Variants in DSC2 observed in about 807,000 individuals in gnomAD.
The protein encoded by DSC2 is desmocollin-2.
In DSC2, 51 loss-of-function variants were observed where a neutral mutation model predicts 87.6. The ratio of observed to expected loss-of-function variants is 0.58; its 90% CI spans 0.46 to 0.74. DSC2 has a LOEUF of 0.74. Among genes scored for constraint, DSC2 ranks in the 30% least tolerant of loss-of-function variants. DSC2 has a pLI of 0.00. For missense variants in DSC2, 1,066 were observed against 1,089.5 expected, an observed-to-expected ratio of 0.98 and a Z score of 0.30; for synonymous variants, 383 against 393.2, an observed-to-expected ratio of 0.97 and a Z score of 0.31.
In DSC2 at chr18:31,086,716, T is replaced by G. The variant is rs201015785; in HGVS notation, c.802A>C (p.Thr268Pro). ...ATCGTGTCAGGCTCATCTTTGTCAG[T>G]AGCACACACTTGTCCCACAGTAGTG... ...VGTTVGQVCATDKDEPDTMHT... is the reference protein window; with the variant it reads ...VGTTVGQVCAPDKDEPDTMHT... The change falls in exon 7 of 16, where the codon ACT (threonine) becomes CCT (proline). Residue 268 changes from threonine (T) to proline (P), a missense_variant. By Grantham distance (38) the Thr-to-Pro change is conservative. Transcript: ENST00000280904. The G allele has an allele frequency of 1.2e-6, 2 of 1,614,006 alleles. No homozygotes were observed. The highest frequency in any genetic ancestry group is 1.3e-5 in the African/African-American group (1 of 74,938).
chr18:31,090,619 T>C (rs1180263074), intron 4 of DSC2, among the ~76,000 whole-genome samples: 3 of 151,942 alleles, frequency 2.0e-5, no homozygotes, highest in Non-Finnish European at 1.5e-5. Flanking sequence ...GTGGATCCAG[T>C]GTGATTTCAG....
At chr18:31,078,368 T>C (rs1252954143) in intron 11 of DSC2, among the ~76,000 whole-genome samples, 2 of 152,202 alleles carry the variant, frequency 1.3e-5, no homozygotes, top group Admixed American at 1.3e-4. Context: ...ACACATTTAT[T>C]CTATATCACA....
chr18:31,081,975 T>C (rs1987233658), intron 9 of DSC2, among the ~76,000 whole-genome samples: 1 of 152,156 alleles, frequency 6.6e-6, no homozygotes, highest in Non-Finnish European at 1.5e-5. Flanking sequence ...GCATCAAAGC[T>C]GTGCTAGTTT....
At chr18:31,086,821 C>T (rs1031440462) in intron 6 of DSC2, 79 bp from the exon 7 acceptor site, 2 of 1,520,892 alleles carry the variant, frequency 1.3e-6, no homozygotes, top group African/African-American at 2.8e-5. Context: ...TTTTCACCCA[C>T]CTCAAAAAAG....
intron 7 of DSC2, among the ~76,000 whole-genome samples, chr18:31,084,777 A>C (rs937078716): frequency 5.3e-5 from 8 of 152,082 alleles, no homozygotes; most frequent in African/African-American, 1.9e-4. Flanking sequence ...CACTTCAGGG[A>C]AAACAACTAT....
At chr18:31,068,317 T>A in intron 15 of DSC2, 105 bp from the exon 16 acceptor site, 1 of 1,613,684 alleles carries the variant, frequency 6.2e-7, no homozygotes, top group Non-Finnish European at 8.5e-7. Context: ...GTTTAATTTT[T>A]AATCAGAGTG....
intron 12 of DSC2, among the ~76,000 whole-genome samples, chr18:31,074,249 C>T (rs1472011573): frequency 6.6e-6 from 1 of 152,148 alleles, no homozygotes; most frequent in Admixed American, 6.5e-5. Flanking sequence ...CATCATTCTG[C>T]TTGAGATGCC....
At position 31,067,720 on chromosome 18, in the gene DSC2, A is replaced by C. The variant is rs1986671335; in HGVS notation, c.*295T>G. ...ACTTGAATTAATTACATTTTATTGC[A>C]CTATAAATTGGCTGTTGTCATTATA... is the stretch of plus-strand genomic sequence containing the variant. On this transcript the variant is annotated 3_prime_UTR_variant, in exon 16 of 16. Transcript: ENST00000280904. 3 of 340,034 alleles carry C rather than the reference A, an allele frequency of 8.8e-6. No homozygotes were observed. The South Asian group carries it at 9.7e-5, about 11-fold the overall frequency. The allele number at this position is 340,034 out of a possible 1,614,324, so 21.1% of individuals were successfully genotyped here. A position where few individuals can be genotyped will look rare whatever the true frequency, so the allele number is the denominator to read the frequency against.
intron 13 of DSC2, 94 bp from the exon 14 acceptor site, chr18:31,070,944 A>G (rs146701735): frequency 1.9e-4 from 274 of 1,448,878 alleles, no homozygotes; most frequent in African/African-American, 1.4e-3. Context: ...CATAAACTTA[A>G]AAGTGTATAT....
intron 2 of DSC2, among the ~76,000 whole-genome samples, chr18:31,093,017 C>T (rs1415371562): frequency 6.6e-6 from 1 of 152,068 alleles, no homozygotes; most frequent in Non-Finnish European, 1.5e-5. Flanking sequence ...TAGAATGACA[C>T]CACAAATATT....
intron 7 of DSC2, among the ~76,000 whole-genome samples, chr18:31,083,561 C>G (rs562078118): frequency 7.0e-4 from 107 of 152,244 alleles, no homozygotes; most frequent in Admixed American, 1.4e-3. Context: ...AAAAAATAGA[C>G]AGCAATGACT....
At chr18:31,099,745 C>A (rs901046410) in intron 1 of DSC2, among the ~76,000 whole-genome samples, 1 of 152,094 alleles carries the variant, frequency 6.6e-6, no homozygotes, top group Non-Finnish European at 1.5e-5. Context: ...GTTCAAGTGG[C>A]TAAGCCAGGT....
chr18:31,091,605 T>A, intron 3 of DSC2: 1 of 458,614 alleles, frequency 2.2e-6, no homozygotes, highest in South Asian at 1.5e-5. Flanking sequence ...GTGACAACTC[T>A]CAAACTGCTG....
Position 31,088,883 on chromosome 18 carries a change from G to A in DSC2, c.630+556C>T, listed in dbSNP as rs578005695. 5.8e-4 allele frequency among the ~76,000 whole-genome samples: 88 copies of A among 152,098 alleles called. 1 individual carries two copies. Among genetic ancestry groups the A allele is most frequent in the African/African-American group, 2.0e-3 (84 of 41,494 alleles). ...TGTGCCAACTAAGTAACTGTTCTTGGCCGGGCACGGTGGCTCAGTCCTGTA... is the reference window on the plus strand; with the variant it reads ...TGTGCCAACTAAGTAACTGTTCTTGACCGGGCACGGTGGCTCAGTCCTGTA... On this transcript the variant is annotated intron_variant, in intron 5 of 15. Transcript: ENST00000280904.
At chr18:31,078,596 T>C (rs1987098436) in intron 11 of DSC2, among the ~76,000 whole-genome samples, 1 of 152,084 alleles carries the variant, frequency 6.6e-6, no homozygotes, top group Non-Finnish European at 1.5e-5. Flanking sequence ...CCAACAAGTA[T>C]TTCTTGGCAA....
At position 31,074,833 on chromosome 18, in the gene DSC2, T is replaced by C. The variant is rs1163344946; in HGVS notation, c.1738A>G (p.Lys580Glu). The C allele has an allele frequency of 3.1e-6, 5 of 1,613,844 alleles. No homozygotes were observed. The highest frequency in any genetic ancestry group is 3.4e-6 in the Non-Finnish European group (4 of 1,179,988). ...GTGGGTTTGCAGATGATCACTGTCT[T>C]TTTAGGTATGAATGGGCTGTTATCA... is the stretch of plus-strand genomic sequence containing the variant. ...VNDNSPFIPK[K>E]TVIICKPTMS... Residue 580 changes from lysine (K) to glutamate (E), a missense_variant, in exon 12 of 16, where the codon AAG (lysine) becomes GAG (glutamate). Physicochemically the swap from Lys to Glu is moderately conservative, Grantham distance 56. Transcript: ENST00000280904.
chr18:31,069,226 G>A (rs1054735595), intron 14 of DSC2, 75 bp from the exon 15 acceptor site: 14 of 1,577,220 alleles, frequency 8.9e-6, no homozygotes, highest in African/African-American at 4.0e-5. Context: ...AACATCAAGC[G>A]GATAATGCCT....
chr18:31,085,674 T>A (rs575019019), intron 7 of DSC2, among the ~76,000 whole-genome samples: 94 of 151,988 alleles, frequency 6.2e-4, no homozygotes, highest in African/African-American at 2.1e-3. Context: ...TCTACCCTAA[T>A]CCATGAGGGA....
At chr18:31,073,356 C>T (rs1162864288) in intron 12 of DSC2, among the ~76,000 whole-genome samples, 1 of 135,060 alleles carries the variant, frequency 7.4e-6, no homozygotes, top group East Asian at 2.2e-4. Flanking sequence ...AAACTGATAA[C>T]CCCGATACAC....
Sources: gnomAD v4.1 joint callset for allele counts (sites outside exome capture counted in the v4.1 genomes callset) on GRCh38, gnomAD v4.1.1 for gene constraint, MANE v1.5 for transcripts, NCBI Gene and HGNC (gene_info 2026-07-23, HGNC 2026-07-21) for gene names.